Variants in SLFN12 observed in about 807,000 individuals in gnomAD.
The protein encoded by SLFN12 is schlafen family member 12.
SLFN12 carries 25 observed loss-of-function variants against 29.1 expected under a neutral mutation model. That is an observed-to-expected ratio of 0.86 (90% CI 0.63 to 1.20). The LOEUF (loss-of-function observed/expected upper bound fraction) is 1.20, where lower values mean the gene tolerates loss of function less well. Ranked by LOEUF, SLFN12 falls within the 50% of genes most tolerant of loss-of-function variation. The probability of loss-of-function intolerance (pLI) is 0.00; values close to 1 mark genes in which losing one functional copy is unlikely to be tolerated. For missense variants in SLFN12, 660 were observed against 666.2 expected, an observed-to-expected ratio of 0.99 and a Z score of 0.10; for synonymous variants, 257 against 238.7, an observed-to-expected ratio of 1.08 and a Z score of -0.71.
At chr17:35,429,569 A>C (rs1460631048) in intron 1 of SLFN12, among the ~76,000 whole-genome samples, 1 of 152,062 alleles carries the variant, frequency 6.6e-6, no homozygotes, top group Non-Finnish European at 1.5e-5. Context: ...CTCACTATTT[A>C]GGCTTTGTTG....
chr17:35,411,984 C>T, intron 3 of SLFN12, 57 bp from the exon 4 acceptor site: 1 of 1,349,806 alleles, frequency 7.4e-7, no homozygotes, highest in Admixed American at 2.4e-5. Context: ...CCCATTTAAG[C>T]CATGGCAAAG....
At chr17:35,420,486 T>C (rs950736129) in intron 2 of SLFN12, 105 bp from the exon 3 acceptor site, 20 of 698,226 alleles carry the variant, frequency 2.9e-5, no homozygotes, top group Non-Finnish European at 2.3e-6. Context: ...GATTCTGTTT[T>C]CCAAAAAAAA....
At position 35,427,639 on chromosome 17, in the gene SLFN12, A is replaced by G. The variant is rs116685163; in HGVS notation, c.-41+4549T>C. ...ATCTTGCTTTTCCATGTATCAATAT[A>G]GTATATACAACAAGTTTTGCAAAAA... On this transcript the variant is annotated intron_variant, in intron 1 of 3. Transcript: ENST00000304905. 9.3e-3 allele frequency among the ~76,000 whole-genome samples: 1,413 copies of G among 152,296 alleles called. 18 individuals are homozygous for G. The highest frequency in any genetic ancestry group is 0.033 in the African/African-American group (1,359 of 41,580).
rs1244887723 is a variant in SLFN12, at chr17:35,422,399, C to A, written c.630G>T (p.Ser210=). 3.7e-6 allele frequency: 6 copies of A among 1,613,730 alleles called. No individual in the cohort carries two copies. The African/African-American group carries it at 5.3e-5, about 14-fold the overall frequency. The change falls in exon 2 of 4, where the codon TCG becomes TCT. Residue 210 remains serine (S), a synonymous_variant. Transcript: ENST00000304905. Reference sequence around the variant, plus strand: ...TAATTCGTTGTAACAACTTTTCTGTCGAGAAGTTTTTAATTTCAACATGTG... The same window carrying A: ...TAATTCGTTGTAACAACTTTTCTGTAGAGAAGTTTTTAATTTCAACATGTG... ...ESTHVEIKNF[S]TEKLLQRIKE... is the part of the protein sequence containing the mutation.
In SLFN12 at chr17:35,411,936, G is replaced by A; in HGVS notation, c.1148-9C>T. 3.3e-6 allele frequency: 5 copies of A among 1,518,078 alleles called. No individual in the cohort carries two copies. Among genetic ancestry groups the A allele is most frequent in the East Asian group, 2.3e-5 (1 of 43,780 alleles). 94.0% of individuals were successfully genotyped at this position (1,518,078 alleles called of 1,614,324 possible). ...TATCCTTCCTGATAGCCCTGAATAA[G>A]GAAATAATAATAATAAATTATAAAA... On this transcript the variant is annotated splice_polypyrimidine_tract_variant and intron_variant, in intron 3 of 3. Coordinates refer to ENST00000304905, the MANE Select transcript of SLFN12 (RefSeq NM_018042.5).
intron 2 of SLFN12, 63 bp downstream of exon 2, chr17:35,421,927 T>C: frequency 5.8e-6 from 9 of 1,562,790 alleles, no homozygotes; most frequent in South Asian, 3.7e-5. Context: ...CCAGATCCCA[T>C]AGAGAAAACC....
At chr17:35,415,505 T>C (rs1014608413) in intron 3 of SLFN12, among the ~76,000 whole-genome samples, 1 of 151,742 alleles carries the variant, frequency 6.6e-6, no homozygotes, top group Non-Finnish European at 1.5e-5. Context: ...AAAACAAAAA[T>C]AAATAGATGA....
At chr17:35,418,817 C>T (rs1025277591) in intron 3 of SLFN12, among the ~76,000 whole-genome samples, 1 of 152,032 alleles carries the variant, frequency 6.6e-6, no homozygotes, top group Non-Finnish European at 1.5e-5. Context: ...AAATAGCATG[C>T]TACATTACTG....
chr17:35,429,336 C>G (rs887437666), intron 1 of SLFN12, among the ~76,000 whole-genome samples: 2 of 152,082 alleles, frequency 1.3e-5, no homozygotes, highest in Non-Finnish European at 2.9e-5. Flanking sequence ...CCCAGTCCAA[C>G]ATCTGCAGCT....
In SLFN12 at chr17:35,422,129, T is replaced by C; in HGVS notation, c.900A>G (p.Gly300=). 2 of 1,614,074 alleles carry C rather than the reference T, an allele frequency of 1.2e-6. No homozygotes were observed. The highest frequency in any genetic ancestry group is 1.7e-6 in the Non-Finnish European group (2 of 1,179,996). Residue 300 remains glycine, a synonymous_variant, in exon 2 of 4, where the codon GGA becomes GGG. Coordinates refer to ENST00000304905, the MANE Select transcript of SLFN12 (RefSeq NM_018042.5). ...LGVYDKGSLC[G]YVCALRVERF... is the part of the protein sequence containing the mutation. ...GCTCCACTCTGAGTGCACAGACATA[T>C]CCACAAAGACTTCCTTTATCATATA... is the stretch of plus-strand genomic sequence containing the variant.
chr17:35,413,047 A>G (rs1231658858), intron 3 of SLFN12, among the ~76,000 whole-genome samples: 1 of 150,820 alleles, frequency 6.6e-6, no homozygotes, highest in Admixed American at 6.6e-5. Context: ...GATGGTAGCA[A>G]AAGTCCGAAC....
rs1157472611 is a variant in SLFN12, at chr17:35,411,430, A to G, written c.1645T>C (p.Ser549Pro). Residue 549 changes from serine to proline, a missense_variant, in exon 4 of 4, where the codon TCC (serine) becomes CCC (proline). Physicochemically the swap from Ser to Pro is moderately conservative, Grantham distance 74 (BLOSUM62 -1). Coordinates refer to ENST00000304905, the MANE Select transcript of SLFN12 (RefSeq NM_018042.5). ...ATCTGGTATAGATTTTCTGCAAAGG[A>G]AAACTGGTCTCTCAGAGACTTGAGT... ...KRLKSLRDQFSFAENLYQIIG... is the reference protein window; with the variant it reads ...KRLKSLRDQFPFAENLYQIIG... 1.2e-6 allele frequency: 2 copies of G among 1,611,936 alleles called. No homozygotes were observed. The highest frequency in any genetic ancestry group is 3.4e-5 in the Admixed American group (2 of 59,572).
chr17:35,417,051 C>G (rs992190808), intron 3 of SLFN12, among the ~76,000 whole-genome samples: 7 of 152,056 alleles, frequency 4.6e-5, no homozygotes, highest in Non-Finnish European at 8.8e-5. Flanking sequence ...AAATAATCCC[C>G]AACTCATTCT....
At chr17:35,420,414 G>A (rs541484470) in intron 2 of SLFN12, 33 bp from the exon 3 acceptor site, 35 of 1,413,316 alleles carry the variant, frequency 2.5e-5, no homozygotes, top group South Asian at 8.2e-5. Context: ...TCTTAATTTC[G>A]CAGAAGGGAG....
At position 35,422,131 on chromosome 17, in the gene SLFN12, C is replaced by T; in HGVS notation, c.898G>A (p.Gly300Arg). The T allele has an allele frequency of 6.2e-7, 1 of 1,614,088 alleles. No homozygotes were observed. Among genetic ancestry groups the T allele is most frequent in the Non-Finnish European group, 8.5e-7 (1 of 1,180,008 alleles). ...TCCACTCTGAGTGCACAGACATATC[C>T]ACAAAGACTTCCTTTATCATATACT... ...LGVYDKGSLC[G>R]YVCALRVERF... Residue 300 changes from glycine (G) to arginine (R), a missense_variant, in exon 2 of 4, where the codon GGA becomes AGA. Transcript: ENST00000304905.
At chr17:35,432,118 A>C (rs1912354382) in intron 1 of SLFN12, 70 bp downstream of exon 1, 1 of 152,182 alleles carries the variant, frequency 6.6e-6, no homozygotes, top group South Asian at 2.1e-4. Flanking sequence ...AGAGAAAGAG[A>C]GAGATTTACC....
intron 1 of SLFN12, among the ~76,000 whole-genome samples, chr17:35,424,981 T>C (rs751719462): frequency 2.6e-5 from 4 of 152,114 alleles, no homozygotes; most frequent in Admixed American, 6.5e-5. Context: ...ACATTGCTAC[T>C]ATTTTAGCAA....
intron 3 of SLFN12, among the ~76,000 whole-genome samples, chr17:35,412,697 TA>T (rs1395624553): frequency 6.6e-6 from 1 of 151,734 alleles, no homozygotes; most frequent in Non-Finnish European, 1.5e-5. Flanking sequence ...CATGATACAA[TA>T]AAAAATTACG....
At position 35,411,131 on chromosome 17, in the gene SLFN12, C is replaced by T. The variant is rs570371549; in HGVS notation, c.*207G>A. The T allele has an allele frequency of 1.5e-4, 70 of 453,900 alleles. No homozygotes were observed. Among genetic ancestry groups the T allele is most frequent in the African/African-American group, 1.1e-3 (57 of 50,110 alleles). The allele number at this position is 453,900 out of a possible 1,614,324, so 28.1% of individuals were successfully genotyped here. ...CAGAGTAAATAATACTGTGCACAGA[C>T]GAGTTAACAAATTAATTTTCCTAAT... is the stretch of plus-strand genomic sequence containing the variant. On this transcript the variant is annotated 3_prime_UTR_variant, in exon 4 of 4. Transcript: ENST00000304905.
Sources: allele counts gnomAD v4.1 joint callset (sites outside exome capture counted in the v4.1 genomes callset), GRCh38; gene constraint gnomAD v4.1.1; transcripts MANE v1.5; gene names NCBI Gene and HGNC (gene_info 2026-07-23, HGNC 2026-07-21).